The following BLVRB variants were observed in gnomAD, a reference collection of about 807,000 sequenced individuals.
BLVRB encodes flavin reductase (NADPH).
In BLVRB, 25 loss-of-function variants were observed where a neutral mutation model predicts 21.1. That is an observed-to-expected ratio of 1.19 (90% CI 0.86 to 1.66). The LOEUF (loss-of-function observed/expected upper bound fraction) is 1.66, where lower values mean the gene tolerates loss of function less well. BLVRB is among the 40% of genes most tolerant of loss of function. BLVRB has a pLI of 0.00. For synonymous variants in BLVRB, 128 were observed against 122.2 expected (o/e 1.05, Z -0.31); for missense variants, 274 against 282.7 (o/e 0.97, Z 0.22).
In BLVRB at chr19:40,447,989, C is replaced by T. The variant is rs867422949; in HGVS notation, c.521G>A (p.Arg174Lys). 3.1e-6 allele frequency: 5 copies of T among 1,613,980 alleles called. No homozygotes were observed. The African/African-American group carries it at 6.7e-5, about 22-fold the overall frequency. Residue 174 changes from arginine (R) to lysine (K), a missense_variant, in exon 5 of 5, where the codon AGG becomes AAG. Arg to Lys is a conservative substitution (Grantham distance 26). Transcript: ENST00000263368. ...GCCCAGGTCATGTTTGGAGATGACC[C>T]TTGAGGGCCCTCGTCCATCCAGGGT... ...TVTLDGRGPS[R>K]VISKHDLGHF...
At chr19:40,449,953 A>G (rs889745801) in intron 4 of BLVRB, among the ~76,000 whole-genome samples, 38 of 151,478 alleles carry the variant, frequency 2.5e-4, no homozygotes, top group African/African-American at 9.0e-4. Context: ...TAATCCCAGC[A>G]CTTTGGGAGG....
At chr19:40,464,614 C>A (rs951573554) in intron 1 of BLVRB, among the ~76,000 whole-genome samples, 2 of 152,162 alleles carry the variant, frequency 1.3e-5, no homozygotes, top group Non-Finnish European at 2.9e-5. Flanking sequence ...CCATTACTCC[C>A]GAATAAATGC....
intron 1 of BLVRB, among the ~76,000 whole-genome samples, chr19:40,463,771 A>AT (rs568219419): frequency 0.24 from 33,866 of 143,794 alleles, 4,196 homozygotes; most frequent in African/African-American, 0.31. Context: ...TGCCCAGCTA[A>AT]TTTTTTTTTT....
chr19:40,448,923 C>CA (rs2079726884), intron 4 of BLVRB, among the ~76,000 whole-genome samples: 1 of 151,962 alleles, frequency 6.6e-6, no homozygotes, highest in South Asian at 2.1e-4. Context: ...CACATCTCTA[C>CA]AAAAAATGCA....
chr19:40,449,434 C>T (rs530231271), intron 4 of BLVRB, among the ~76,000 whole-genome samples: 34 of 151,990 alleles, frequency 2.2e-4, no homozygotes, highest in African/African-American at 5.3e-4. Flanking sequence ...TTAGTAGAGA[C>T]GGGGTCTCAC....
rs2079762059 is a variant in BLVRB at position 40,456,355 on chromosome 19, C to T, written c.334+1800G>A. ...AGGGGATTCCTTGAGCCCAGGGGTTCAAGGGTACAATGAGCTATGATCAGG... is the reference window on the plus strand; with the variant it reads ...AGGGGATTCCTTGAGCCCAGGGGTTTAAGGGTACAATGAGCTATGATCAGG... On this transcript the variant is annotated intron_variant, in intron 3 of 4. Coordinates refer to ENST00000263368, the MANE Select transcript of BLVRB (RefSeq NM_000713.3). Among the ~76,000 whole-genome samples the T allele has an allele frequency of 2.7e-5, 4 of 150,722 alleles. No homozygotes were observed. In the South Asian group the frequency reaches 8.4e-4, roughly 32 times the overall value.
In BLVRB at chr19:40,451,463, G is replaced by A. The variant is rs139843463; in HGVS notation, c.364C>T (p.Pro122Ser). Residue 122 changes from proline to serine, a missense_variant, in exon 4 of 5, where the codon CCC becomes TCC. Transcript: ENST00000263368. ...TCAGTCACAGCCTGCAGTCGTGGGG[G>A]CACCTTGGTAGGGTCCCAGAGCAGG... is the stretch of plus-strand genomic sequence containing the variant. ...AFLLWDPTKV[P>S]PRLQAVTDDH... 456 of 1,613,320 alleles carry A rather than the reference G, an allele frequency of 2.8e-4. No homozygotes were observed. Among genetic ancestry groups the A allele is most frequent in the Non-Finnish European group, 3.7e-4 (440 of 1,179,708 alleles).
Position 40,447,999 on chromosome 19 carries a change from C to G in BLVRB, c.511G>C (p.Gly171Arg), listed in dbSNP as rs1275904337. 5 of 1,614,088 alleles carry G rather than the reference C, an allele frequency of 3.1e-6. No homozygotes were observed. The highest frequency in any genetic ancestry group is 4.2e-6 in the Non-Finnish European group (5 of 1,180,006). ...TGTTTGGAGATGACCCTTGAGGGCC[C>G]TCGTCCATCCAGGGTCACTGTGTAC... The part of the protein sequence containing the change: ...GAYTVTLDGR[G>R]PSRVISKHDL... Residue 171 changes from glycine (G) to arginine (R), a missense_variant, in exon 5 of 5, where the codon GGG becomes CGG. Transcript: ENST00000263368.
At chr19:40,448,122 C>A in intron 4 of BLVRB, 76 bp from the exon 5 acceptor site, 1 of 1,514,648 alleles carries the variant, frequency 6.6e-7, no homozygotes, top group Non-Finnish European at 9.0e-7. Context: ...CCCAGAAAGA[C>A]CTTCCCAGGG....
Position 40,463,526 on chromosome 19 carries a change from TCTCCCTCCCTCC to T in BLVRB, c.79+2072_79+2083del, listed in dbSNP as rs1167341659. 2.7e-5 allele frequency among the ~76,000 whole-genome samples: 4 copies of T among 146,448 alleles called. No homozygotes were observed. The East Asian group carries it at 6.1e-4, about 22-fold the overall frequency. On this transcript the variant is annotated intron_variant, in intron 1 of 4. Coordinates refer to ENST00000263368, the MANE Select transcript of BLVRB (RefSeq NM_000713.3). The stretch of plus-strand genomic sequence containing the variant: ...TGAACTCCAGTTAATCCAAGCCCCT[TCTCCCTCCCTCC>T]CTCCCTCCCTCCCTCCTTCCCTCCC...
Position 40,458,145 on chromosome 19 carries a change from C to T in BLVRB, c.334+10G>A. ...CAGTTCAGCCCCACCTCCATGATCC[C>T]ACCACCCACCCGAGGTGCAGGCCAC... is the stretch of plus-strand genomic sequence containing the variant. On this transcript the variant is annotated intron_variant, in intron 3 of 4. Transcript: ENST00000263368. 3 of 1,613,358 alleles carry T rather than the reference C, an allele frequency of 1.9e-6. No homozygotes were observed. Among genetic ancestry groups the T allele is most frequent in the Non-Finnish European group, 2.5e-6 (3 of 1,179,552 alleles).
intron 4 of BLVRB, among the ~76,000 whole-genome samples, chr19:40,450,838 C>CTATG (rs1230631376): frequency 1.3e-4 from 19 of 144,580 alleles, no homozygotes; most frequent in African/African-American, 2.6e-4. Context: ...CATGCCTGGC[C>CTATG]TATGTATCTA....
rs1394711523 is a variant in BLVRB at position 40,465,647 on chromosome 19, C to T, written c.42G>A (p.Gln14=). 3.1e-6 allele frequency: 5 copies of T among 1,612,854 alleles called. No individual in the cohort carries two copies. Among genetic ancestry groups the T allele is most frequent in the East Asian group, 4.5e-5 (2 of 44,876 alleles). The part of the protein sequence containing the change: ...KKIAIFGATG[Q]TGLTTLAQAV... ...CCTGCGCCAGGGTGGTGAGCCCGGT[C>T]TGGCCAGTGGCGCCGAAGATCGCGA... is the stretch of plus-strand genomic sequence containing the variant. Residue 14 remains glutamine, a synonymous_variant, in exon 1 of 5, where the codon CAG becomes CAA. Transcript: ENST00000263368.
rs868640245 is a variant in BLVRB, at chr19:40,465,572, T to A, written c.79+38A>T. On this transcript the variant is annotated intron_variant, in intron 1 of 4. Transcript: ENST00000263368. ...GTGCCCCTTCCTAAAGTTCTGCCCG[T>A]CTGTCCCGTGACATGCCCCGCCCGC... is the stretch of plus-strand genomic sequence containing the variant. 3 of 1,588,140 alleles carry A rather than the reference T, an allele frequency of 1.9e-6. No individual in the cohort carries two copies. In the Middle Eastern group the frequency reaches 5.4e-4, roughly 288 times the overall value.
At chr19:40,458,697 G>GT in intron 1 of BLVRB, 152 bp from the exon 2 acceptor site, 1 of 1,099,686 alleles carries the variant, frequency 9.1e-7, no homozygotes, top group Non-Finnish European at 1.3e-6. Flanking sequence ...TTTTCTTTTT[G>GT]TTTGTTTTGT....
At chr19:40,463,807 G>A (rs1050312297) in intron 1 of BLVRB, among the ~76,000 whole-genome samples, 21 of 148,324 alleles carry the variant, frequency 1.4e-4, no homozygotes, top group South Asian at 8.6e-4. Context: ...CACTCTTGTC[G>A]CCCAGGCTGG....
chr19:40,461,046 C>G (rs1439711667), intron 1 of BLVRB, among the ~76,000 whole-genome samples: 1 of 152,052 alleles, frequency 6.6e-6, no homozygotes, highest in African/African-American at 2.4e-5. Context: ...CCCAAAAAGA[C>G]ACAATAAAAA....
intron 1 of BLVRB, among the ~76,000 whole-genome samples, chr19:40,462,055 C>T (rs2079789813): frequency 6.6e-6 from 1 of 152,188 alleles, no homozygotes; most frequent in Non-Finnish European, 1.5e-5. Context: ...GCATTACTGC[C>T]CCAGGGACCT....
At chr19:40,462,479 G>A (rs141002134) in intron 1 of BLVRB, among the ~76,000 whole-genome samples, 2,932 of 150,768 alleles carry the variant, frequency 0.019, 38 homozygotes, top group Non-Finnish European at 0.029. Context: ...GGGGTTTCAC[G>A]GTGTTAGCCA....
Sources: gnomAD v4.1 joint callset for allele counts (sites outside exome capture counted in the v4.1 genomes callset) on GRCh38, gnomAD v4.1.1 for gene constraint, MANE v1.5 for transcripts, NCBI Gene and HGNC (gene_info 2026-07-23, HGNC 2026-07-21) for gene names.